Variants in USP25 observed in about 807,000 individuals in gnomAD.
USP25 encodes the protein ubiquitin specific peptidase 25, also known as ubiquitin carboxyl-terminal hydrolase 25.
A neutral mutation model predicts 158.5 loss-of-function variants in USP25; 85 were observed. That is an observed-to-expected ratio of 0.54 (90% confidence interval 0.45 to 0.64). The LOEUF (loss-of-function observed/expected upper bound fraction) is 0.64, where lower values mean the gene tolerates loss of function less well. Among genes scored for constraint, USP25 ranks in the 30% least tolerant of loss-of-function variants. The pLI is 0.00. For synonymous variants in USP25, 464 were observed against 460.4 expected (o/e 1.01, Z -0.10); for missense variants, 1,242 against 1,327.3 (o/e 0.94, Z 1.00).
Position 15,784,840 on chromosome 21 carries a change from G to A in USP25, c.393-6662G>A, listed in dbSNP as rs370802823. Among the ~76,000 whole-genome samples the A allele has an allele frequency of 7.9e-5, 12 of 151,854 alleles. No individual in the cohort carries two copies. The East Asian group carries it at 1.7e-3, about 22-fold the overall frequency. On this transcript the variant is annotated intron_variant, in intron 4 of 25. Transcript: ENST00000400183. ...ACCACAGAAGTAAACAAGAGGGAAA[G>A]AATCAAACGAGGAATCTTCATAATA... is the stretch of plus-strand genomic sequence containing the variant.
chr21:15,824,279 A>G, intron 11 of USP25, 113 bp downstream of exon 11: 2 of 1,205,802 alleles, frequency 1.7e-6, no homozygotes, highest in South Asian at 1.4e-5. Flanking sequence ...ACTTTTGCAT[A>G]ATATACCTAA....
At chr21:15,853,300 T>C (rs1192545141) in intron 20 of USP25, among the ~76,000 whole-genome samples, 1 of 151,472 alleles carries the variant, frequency 6.6e-6, no homozygotes, top group South Asian at 2.1e-4. Flanking sequence ...TACACATGTG[T>C]ACACACAGGT....
chr21:15,792,082 G>A (rs2823495), intron 5 of USP25, among the ~76,000 whole-genome samples: 30,366 of 151,552 alleles, frequency 0.2, 4,737 homozygotes, highest in African/African-American at 0.44. Context: ...TAGACACTTA[G>A]TATTTTTAAT....
chr21:15,765,384 A>G (rs1021363627), intron 2 of USP25, among the ~76,000 whole-genome samples: 6 of 152,082 alleles, frequency 3.9e-5, no homozygotes, highest in Non-Finnish European at 7.4e-5. Context: ...ATTCAGCTAT[A>G]CTTTTGATGA....
chr21:15,738,701 G>A (rs1169043891), intron 1 of USP25, among the ~76,000 whole-genome samples: 1 of 152,032 alleles, frequency 6.6e-6, no homozygotes, highest in Admixed American at 6.5e-5. Flanking sequence ...GCCTCATATT[G>A]TCTTATGCCC....
At chr21:15,750,753 C>T (rs1157944624) in intron 1 of USP25, among the ~76,000 whole-genome samples, 1 of 151,856 alleles carries the variant, frequency 6.6e-6, no homozygotes, top group Non-Finnish European at 1.5e-5. Context: ...ACTACAGGTG[C>T]CCGCCACCAC....
Position 15,820,875 on chromosome 21 carries a change from C to G in USP25, c.1080+2029C>G, listed in dbSNP as rs2037197069. 2.6e-5 allele frequency among the ~76,000 whole-genome samples: 4 copies of G among 151,968 alleles called. No homozygotes were observed. The South Asian group carries it at 8.3e-4, about 32-fold the overall frequency. On this transcript the variant is annotated intron_variant, in intron 10 of 25. Coordinates refer to ENST00000400183, the MANE Select transcript of USP25 (RefSeq NM_001283041.3). The stretch of plus-strand genomic sequence containing the variant: ...ATATATAGGAAGACCTCCAGTCTTC[C>G]AAGCTAAAACATCCAATTGGCTATA...
At chr21:15,814,578 G>T (rs201613837) in intron 9 of USP25, among the ~76,000 whole-genome samples, 2 of 152,332 alleles carry the variant, frequency 1.3e-5, no homozygotes, top group Non-Finnish European at 2.9e-5. Context: ...TGAGGAACTT[G>T]TTGGGAACTG....
At chr21:15,846,919 A>G (rs915563459) in intron 18 of USP25, among the ~76,000 whole-genome samples, 3 of 152,158 alleles carry the variant, frequency 2.0e-5, no homozygotes, top group Admixed American at 2.0e-4. Context: ...AAATACATAG[A>G]ATTTGTTAAC....
chr21:15,775,874 T>TA (rs1485087582), intron 3 of USP25, among the ~76,000 whole-genome samples: 1 of 151,906 alleles, frequency 6.6e-6, no homozygotes. Flanking sequence ...TGTTTTTTTT[T>TA]ATGTTTAGTT....
intron 9 of USP25, among the ~76,000 whole-genome samples, chr21:15,812,192 G>A (rs764786240): frequency 1.3e-5 from 2 of 151,268 alleles, no homozygotes; most frequent in African/African-American, 2.4e-5. Context: ...GTACATTTAC[G>A]TTGGGTCATT....
rs1367479962 is a variant in USP25 at position 15,831,442 on chromosome 21, A to G, written c.1806A>G (p.Gln602=). The G allele has an allele frequency of 6.2e-7, 1 of 1,614,102 alleles. No individual in the cohort carries two copies. The highest frequency in any genetic ancestry group is 1.1e-5 in the South Asian group (1 of 91,082). ...ATGCCGTTTTAGTTCACGAAGGCCA[A>G]GCTAATGCTGGGCACTACTGGGCAT... ...RLHAVLVHEG[Q]ANAGHYWAYI... The change falls in exon 16 of 26, where the codon CAA becomes CAG. Residue 602 remains glutamine, a synonymous_variant. Transcript: ENST00000400183.
At chr21:15,827,732 T>C (rs557850694) in intron 14 of USP25, among the ~76,000 whole-genome samples, 84 of 150,930 alleles carry the variant, frequency 5.6e-4, no homozygotes, top group African/African-American at 2.1e-3. Flanking sequence ...AGGACAGTGC[T>C]CTGGGTGGGG....
At chr21:15,810,893 G>A (rs2036625078) in intron 8 of USP25, among the ~76,000 whole-genome samples, 1 of 152,154 alleles carries the variant, frequency 6.6e-6, no homozygotes, top group Admixed American at 6.5e-5. Context: ...ACACGTAGTA[G>A]CTCATTTTAA....
intron 1 of USP25, among the ~76,000 whole-genome samples, chr21:15,735,104 A>G (rs974779323): frequency 3.3e-5 from 5 of 152,214 alleles, no homozygotes; most frequent in South Asian, 2.1e-4. Flanking sequence ...CTTAACCACA[A>G]TGTTGTATCG....
intron 17 of USP25, among the ~76,000 whole-genome samples, chr21:15,839,325 GTTT>G (rs1445638730): frequency 5.3e-5 from 8 of 152,108 alleles, no homozygotes; most frequent in Non-Finnish European, 8.8e-5. Context: ...TAGTGATGGG[GTTT>G]TTAATAGGGT....
At chr21:15,877,736 A>T (rs2040153891) in intron 24 of USP25, 60 bp from the exon 25 acceptor site, 2 of 1,203,286 alleles carry the variant, frequency 1.7e-6, no homozygotes, top group African/African-American at 3.1e-5. Context: ...ATACTTACAG[A>T]TCCTTAATTT....
At chr21:15,823,241 T>C (rs1255602191) in intron 10 of USP25, among the ~76,000 whole-genome samples, 1 of 152,096 alleles carries the variant, frequency 6.6e-6, no homozygotes, top group Admixed American at 6.5e-5. Context: ...TCTTTCTTTC[T>C]CTTTAAATAC....
intron 4 of USP25, among the ~76,000 whole-genome samples, chr21:15,787,792 G>GT (rs1316486350): frequency 6.6e-6 from 1 of 151,228 alleles, no homozygotes; most frequent in East Asian, 1.9e-4. Context: ...CTCAGTGAGT[G>GT]TAATACTTCC....
Sources: allele counts gnomAD v4.1 joint callset (sites outside exome capture counted in the v4.1 genomes callset), GRCh38; gene constraint gnomAD v4.1.1; transcripts MANE v1.5; gene names NCBI Gene and HGNC (gene_info 2026-07-23, HGNC 2026-07-21).